BRINP3: variants seen among roughly 807,000 people sequenced by gnomAD.
BRINP3 encodes the protein BMP/retinoic acid inducible neural specific 3.
BRINP3 carries 19 observed loss-of-function variants against 71.0 expected under a neutral mutation model. The observed-to-expected ratio is 0.27, with a 90% CI of 0.19 to 0.39. The LOEUF is 0.39. Ranked by LOEUF, BRINP3 falls within the 10% of genes least tolerant of loss-of-function variation. The pLI is 1.00. For synonymous variants in BRINP3, 380 were observed against 337.7 expected, an observed-to-expected ratio of 1.13 and a Z score of -1.37; for missense variants, 959 against 940.8, an observed-to-expected ratio of 1.02 and a Z score of -0.25.
chr1:190,111,571 A>G (rs1180680309), intron 7 of BRINP3, among the ~76,000 whole-genome samples: 6 of 151,654 alleles, frequency 4.0e-5, no homozygotes, highest in African/African-American at 1.5e-4. Flanking sequence ...AGAGGTAGCT[A>G]TGTTACGCAG....
At chr1:190,373,861 C>T (rs1670022402) in intron 2 of BRINP3, among the ~76,000 whole-genome samples, 1 of 150,922 alleles carries the variant, frequency 6.6e-6, no homozygotes, top group Admixed American at 6.6e-5. Context: ...TTTGCACCAA[C>T]CTAACAGCCT....
At position 190,336,675 on chromosome 1, in the gene BRINP3, G is replaced by C. The variant is rs531622524; in HGVS notation, c.237-54925C>G. 1.1e-4 allele frequency among the ~76,000 whole-genome samples: 16 copies of C among 152,042 alleles called. No homozygotes were observed. The South Asian group carries it at 3.3e-3, about 32-fold the overall frequency. On this transcript the variant is annotated intron_variant, in intron 2 of 7. Transcript: ENST00000367462. ...GTGTAGACAAAATAGCATGCATCCA[G>C]CACTGCAAAACGTGCTCTTTCTACA...
In BRINP3 at chr1:190,152,991, T is replaced by C. The variant is rs549600528; in HGVS notation, c.1184+7677A>G. On this transcript the variant is annotated intron_variant, in intron 7 of 7. Transcript: ENST00000367462. ...TGAGTAGGTTAGAGTAGAAATATTA[T>C]GGCAAAAATAAAACCAAGGCCATTT... Among the ~76,000 whole-genome samples, 5 of 152,298 alleles carry C rather than the reference T, an allele frequency of 3.3e-5. No homozygotes were observed. The South Asian group carries it at 8.3e-4, about 25-fold the overall frequency.
At chr1:190,354,912 TAAC>T (rs1443802082) in intron 2 of BRINP3, among the ~76,000 whole-genome samples, 1 of 151,802 alleles carries the variant, frequency 6.6e-6, no homozygotes, top group African/African-American at 2.4e-5. Flanking sequence ...TTTTAGATAA[TAAC>T]AACTTTTAAT....
rs375178452 is a variant in BRINP3 at position 190,268,120 on chromosome 1, T to C, written c.428-3065A>G. On this transcript the variant is annotated intron_variant, in intron 3 of 7. Coordinates refer to ENST00000367462, the MANE Select transcript of BRINP3 (RefSeq NM_199051.3). ...TTCCAATACTGCAAAACTGGCTCAA[T>C]AGTAGGAAATCATTAATATAATTCA... Among the ~76,000 whole-genome samples the C allele has an allele frequency of 1.3e-4, 20 of 152,220 alleles. No individual in the cohort carries two copies. In the South Asian group the frequency reaches 3.9e-3, roughly 30 times the overall value.
chr1:190,198,894 A>C (rs1654737793), intron 6 of BRINP3, among the ~76,000 whole-genome samples: 1 of 152,114 alleles, frequency 6.6e-6, no homozygotes, highest in Non-Finnish European at 1.5e-5. Context: ...TTGATATCTT[A>C]ACAGCAGCAC....
At chr1:190,375,581 C>T (rs1670134746) in intron 2 of BRINP3, among the ~76,000 whole-genome samples, 1 of 151,772 alleles carries the variant, frequency 6.6e-6, no homozygotes, top group African/African-American at 2.4e-5. Context: ...AGGAAAGAGA[C>T]CAACCCAACA....
chr1:190,330,007 T>C (rs1348095006), intron 2 of BRINP3, among the ~76,000 whole-genome samples: 1 of 151,816 alleles, frequency 6.6e-6, no homozygotes, highest in African/African-American at 2.4e-5. Flanking sequence ...AAAATTAAAA[T>C]ATAAGATCTA....
intron 6 of BRINP3, among the ~76,000 whole-genome samples, chr1:190,221,760 T>C (rs1472542633): frequency 1.3e-5 from 2 of 151,674 alleles, no homozygotes; most frequent in Non-Finnish European, 2.9e-5. Context: ...GGAGCAGGAG[T>C]AGCTATACCT....
chr1:190,320,317 T>A (rs1188017882), intron 2 of BRINP3, among the ~76,000 whole-genome samples: 1 of 151,822 alleles, frequency 6.6e-6, no homozygotes, highest in East Asian at 1.9e-4. Flanking sequence ...AACCAGTGAG[T>A]GATGGTAGTT....
intron 2 of BRINP3, among the ~76,000 whole-genome samples, chr1:190,438,226 C>A (rs1674592370): frequency 6.6e-6 from 1 of 151,396 alleles, no homozygotes; most frequent in African/African-American, 2.4e-5. Context: ...TAACCTTTAG[C>A]TGCTTTGACA....
At chr1:190,400,041 ATCACACTG>A in intron 2 of BRINP3, among the ~76,000 whole-genome samples, 1 of 152,234 alleles carries the variant, frequency 6.6e-6, no homozygotes, top group Admixed American at 6.5e-5. Flanking sequence ...TTGACCACCC[ATCACACTG>A]ACATTCTACA....
At chr1:190,131,188 G>A (rs904546986) in intron 7 of BRINP3, among the ~76,000 whole-genome samples, 1 of 123,596 alleles carries the variant, frequency 8.1e-6, no homozygotes, top group African/African-American at 3.0e-5. Context: ...GGCGGGGGGT[G>A]GGGGGTGGGG....
At chr1:190,351,420 A>T (rs532833734) in intron 2 of BRINP3, among the ~76,000 whole-genome samples, 1 of 152,290 alleles carries the variant, frequency 6.6e-6, no homozygotes, top group South Asian at 2.1e-4. Flanking sequence ...TAGTATTAAC[A>T]ATTTATGAAT....
chr1:190,315,516 C>T (rs1320072028), intron 2 of BRINP3, among the ~76,000 whole-genome samples: 2 of 152,140 alleles, frequency 1.3e-5, no homozygotes, highest in Non-Finnish European at 2.9e-5. Context: ...CCCATAAATT[C>T]GGAAGTCTTC....
chr1:190,302,196 T>A (rs1008381596), intron 2 of BRINP3, among the ~76,000 whole-genome samples: 1 of 149,498 alleles, frequency 6.7e-6, no homozygotes, highest in East Asian at 1.9e-4. Flanking sequence ...ACAGTCCACC[T>A]TGGTGTTGCA....
intron 1 of BRINP3, among the ~76,000 whole-genome samples, chr1:190,466,032 C>T (rs1378380048): frequency 1.3e-5 from 2 of 151,564 alleles, no homozygotes; most frequent in East Asian, 3.9e-4. Flanking sequence ...ATAATAAATG[C>T]TTTTTGTTAT....
At chr1:190,385,998 G>A (rs1240225620) in intron 2 of BRINP3, among the ~76,000 whole-genome samples, 10 of 145,738 alleles carry the variant, frequency 6.9e-5, no homozygotes, top group South Asian at 2.2e-4. Flanking sequence ...ACCAAACACC[G>A]CATATTCTCA....
At chr1:190,402,339 T>C (rs1254761100) in intron 2 of BRINP3, among the ~76,000 whole-genome samples, 1 of 152,180 alleles carries the variant, frequency 6.6e-6, no homozygotes, top group Non-Finnish European at 1.5e-5. Context: ...GCAATTAATA[T>C]ATTCATATAT....
Sources: allele counts gnomAD v4.1 joint callset (sites outside exome capture counted in the v4.1 genomes callset), GRCh38; gene constraint gnomAD v4.1.1; transcripts MANE v1.5; gene names NCBI Gene and HGNC (gene_info 2026-07-23, HGNC 2026-07-21).